The following PPP6R3 variants were observed in gnomAD, a reference collection of about 807,000 sequenced individuals.
PPP6R3 encodes the protein protein phosphatase 6 regulatory subunit 3.
PPP6R3 carries 38 observed loss-of-function variants against 110.7 expected under a neutral mutation model. The observed-to-expected ratio is 0.34, with a 90% CI of 0.26 to 0.45. PPP6R3 has a LOEUF of 0.45. Ranked by LOEUF, PPP6R3 falls within the 20% of genes least tolerant of loss-of-function variation. The pLI is 1.00. For missense variants in PPP6R3, 870 were observed against 1,062.4 expected (o/e 0.82, Z 2.52); for synonymous variants, 369 against 373.5 (o/e 0.99, Z 0.14).
chr11:68,609,392 T>C, intron 22 of PPP6R3: 1 of 696,856 alleles, frequency 1.4e-6, no homozygotes, highest in Non-Finnish European at 2.6e-6. Flanking sequence ...AGCAAGCTGA[T>C]GGGGTCTGTC....
chr11:68,506,413 T>TCAAAAAAAAAAAAAAAAAAAAAAAAA (rs2099077159), intron 1 of PPP6R3, among the ~76,000 whole-genome samples: 1 of 17,240 alleles, frequency 5.8e-5, no homozygotes, highest in Non-Finnish European at 1.1e-4. Context: ...CCCTTTATAC[T>TCAAAAAAAAAAAAAAAAAAAAAAAAA]CAAAAAAAAA....
intron 3 of PPP6R3, among the ~76,000 whole-genome samples, chr11:68,540,478 G>A (rs1170208755): frequency 2.0e-5 from 3 of 152,218 alleles, no homozygotes; most frequent in Non-Finnish European, 4.4e-5. Context: ...GGCAGGGCGA[G>A]ATCACAGGAC....
chr11:68,533,654 A>G (rs1026777081), intron 2 of PPP6R3, among the ~76,000 whole-genome samples: 27 of 139,588 alleles, frequency 1.9e-4, no homozygotes, highest in African/African-American at 6.5e-4. Context: ...GTAGTGAGCC[A>G]GGGTCATGCC....
chr11:68,517,947 A>AG (rs1363079459), intron 1 of PPP6R3, among the ~76,000 whole-genome samples: 4 of 152,020 alleles, frequency 2.6e-5, no homozygotes, highest in Admixed American at 6.6e-5. Context: ...TCAAAAAAAA[A>AG]AAAAAAGTTA....
intron 1 of PPP6R3, among the ~76,000 whole-genome samples, chr11:68,474,831 T>C (rs2098816586): frequency 6.6e-6 from 1 of 152,222 alleles, no homozygotes; most frequent in African/African-American, 2.4e-5. Flanking sequence ...TTTTCAAATA[T>C]ATTGGCATAA....
At chr11:68,543,721 C>A (rs144482356) in intron 3 of PPP6R3, among the ~76,000 whole-genome samples, 1 of 152,148 alleles carries the variant, frequency 6.6e-6, no homozygotes, top group Non-Finnish European at 1.5e-5. Context: ...CTTGTTGGGG[C>A]GCTGGGTCCT....
chr11:68,609,445 TTAAC>T (rs1942177823), intron 22 of PPP6R3: 1 of 827,308 alleles, frequency 1.2e-6, no homozygotes, highest in Non-Finnish European at 2.0e-6. Flanking sequence ...GCAAAGTGCT[TTAAC>T]TAAAGACTCA....
Position 68,548,107 on chromosome 11 carries a change from T to C in PPP6R3, c.455T>C (p.Leu152Pro). ...FLKKKHDFVD[L>P]IIKHIGTSAI... Reference sequence around the variant, plus strand: ...AAGAAGAAGCATGATTTTGTAGACCTTATTATAAAGCACATAGGAACTTCT... The same window carrying C: ...AAGAAGAAGCATGATTTTGTAGACCCTATTATAAAGCACATAGGAACTTCT... Residue 152 changes from leucine (L) to proline (P), a missense_variant, in exon 5 of 24, where the codon CTT becomes CCT. Physicochemically the swap from Leu to Pro is moderately conservative, Grantham distance 98. Coordinates refer to ENST00000393800, the MANE Select transcript of PPP6R3 (RefSeq NM_001164161.2). The C allele has an allele frequency of 6.2e-7, 1 of 1,613,922 alleles. No individual in the cohort carries two copies. Among genetic ancestry groups the C allele is most frequent in the Non-Finnish European group, 8.5e-7 (1 of 1,179,780 alleles).
Position 68,596,202 on chromosome 11 carries a change from G to C in PPP6R3, c.2022G>C (p.Glu674Asp), listed in dbSNP as rs776970667. The C allele has an allele frequency of 6.2e-7, 1 of 1,614,098 alleles. No homozygotes were observed. The highest frequency in any genetic ancestry group is 8.5e-7 in the Non-Finnish European group (1 of 1,180,040). Residue 674 changes from glutamate (E) to aspartate (D), a missense_variant, in exon 19 of 24, where the codon GAG becomes GAC. Glu to Asp is a conservative substitution (Grantham distance 45). Coordinates refer to ENST00000393800, the MANE Select transcript of PPP6R3 (RefSeq NM_001164161.2). ...GTGCCAACACGGAGGATAAAATGGA[G>C]GTGGACCTGAGTGAACGTAAGTGGA... ...PSSANTEDKM[E>D]VDLSEPPNWS...
chr11:68,596,013 G>A, intron 18 of PPP6R3, 84 bp from the exon 19 acceptor site: 1 of 1,550,304 alleles, frequency 6.5e-7, no homozygotes, highest in Non-Finnish European at 8.8e-7. Flanking sequence ...AGGACCTTTT[G>A]TTGCTGGATG....
At chr11:68,518,242 A>G (rs1467007276) in intron 1 of PPP6R3, among the ~76,000 whole-genome samples, 1 of 152,258 alleles carries the variant, frequency 6.6e-6, no homozygotes, top group Non-Finnish European at 1.5e-5. Context: ...TCTGGCAAAT[A>G]TAATTTTAAC....
rs148816813 is a variant in PPP6R3, at chr11:68,559,240, A to G, written c.845+561A>G. Among the ~76,000 whole-genome samples the G allele has an allele frequency of 7.0e-3, 1,062 of 152,366 alleles. 11 individuals are homozygous for G. Among genetic ancestry groups the G allele is most frequent in the African/African-American group, 0.023 (975 of 41,586 alleles). On this transcript the variant is annotated intron_variant, in intron 8 of 23. Coordinates refer to ENST00000393800, the MANE Select transcript of PPP6R3 (RefSeq NM_001164161.2). ...ATTTCTTCTACATGTTTTATAATCA[A>G]AAATAAAGTCTTGCTTTTCACATGT... is the stretch of plus-strand genomic sequence containing the variant.
chr11:68,591,655 T>G lies in PPP6R3; in HGVS notation c.1865T>G (p.Ile622Arg), dbSNP rs780112608. ...FDDGGSDEED[I>R]WEEKHIAFTP... ...GATGGTGGCTCTGATGAGGAAGATA[T>G]ATGGGAGGAAAAGCACATCGCATTC... Residue 622 changes from isoleucine to arginine, a missense_variant, in exon 18 of 24, where the codon ATA becomes AGA. By Grantham distance (97) the Ile-to-Arg change is moderately conservative. Transcript: ENST00000393800. The G allele has an allele frequency of 1.9e-6, 3 of 1,613,480 alleles. No homozygotes were observed. The highest frequency in any genetic ancestry group is 2.5e-6 in the Non-Finnish European group (3 of 1,179,754).
chr11:68,558,464 A>G (rs1245076560), intron 7 of PPP6R3, 102 bp from the exon 8 acceptor site: 4 of 695,176 alleles, frequency 5.8e-6, no homozygotes, highest in South Asian at 1.8e-5. Context: ...ATGCCCAAGT[A>G]TGAACTCTTC....
chr11:68,497,544 G>C (rs879448119), intron 1 of PPP6R3, among the ~76,000 whole-genome samples: 2 of 150,706 alleles, frequency 1.3e-5, no homozygotes, highest in Non-Finnish European at 2.9e-5. Context: ...TTGTAGAAAC[G>C]GGGATTTACC....
rs758435603 is a variant in PPP6R3, at chr11:68,569,871, A to G, written c.1252A>G (p.Thr418Ala). The G allele has an allele frequency of 6.2e-7, 1 of 1,610,292 alleles. No homozygotes were observed. The highest frequency in any genetic ancestry group is 2.2e-5 in the East Asian group (1 of 44,732). ...ENATITDQDS[T>A]GDNLLLKHLF... ...TGCCACAATTACCGATCAAGACTCC[A>G]CTGGTGATAATTTGTTATTAAAACA... The change falls in exon 11 of 24, where the codon ACT (threonine) becomes GCT (alanine). Residue 418 changes from threonine (T) to alanine (A), a missense_variant. Coordinates refer to ENST00000393800, the MANE Select transcript of PPP6R3 (RefSeq NM_001164161.2).
chr11:68,527,436 T>A (rs2099205217), intron 2 of PPP6R3, among the ~76,000 whole-genome samples: 1 of 152,162 alleles, frequency 6.6e-6, no homozygotes, highest in Middle Eastern at 3.2e-3. Flanking sequence ...CTCAGGCGTC[T>A]TACCTTCATC....
intron 2 of PPP6R3, among the ~76,000 whole-genome samples, chr11:68,527,349 G>T (rs533247295): frequency 6.6e-6 from 1 of 152,102 alleles, no homozygotes; most frequent in Non-Finnish European, 1.5e-5. Flanking sequence ...GACAGTTAAC[G>T]CATTCACACT....
chr11:68,590,846 A>T, intron 17 of PPP6R3, 132 bp downstream of exon 17: 1 of 1,082,450 alleles, frequency 9.2e-7, no homozygotes, highest in East Asian at 2.9e-5. Context: ...TACATACTTC[A>T]CTCTGTCCCA....
Sources: allele counts gnomAD v4.1 joint callset (sites outside exome capture counted in the v4.1 genomes callset), GRCh38; gene constraint gnomAD v4.1.1; transcripts MANE v1.5; gene names NCBI Gene and HGNC (gene_info 2026-07-23, HGNC 2026-07-21).